Variants in IGF1R observed in about 807,000 individuals in gnomAD.
IGF1R encodes insulin-like growth factor 1 receptor.
In IGF1R, 44 loss-of-function variants were observed where a neutral mutation model predicts 144.6. That is an observed-to-expected ratio of 0.30 (90% CI 0.24 to 0.39). The LOEUF (loss-of-function observed/expected upper bound fraction) is 0.39. IGF1R is among the 10% of genes least tolerant of loss of function. The pLI is 1.00. For missense variants in IGF1R, 1,355 were observed against 1,833.7 expected, an observed-to-expected ratio of 0.74 and a Z score of 4.77; for synonymous variants, 795 against 722.8, an observed-to-expected ratio of 1.10 and a Z score of -1.60.
At chr15:98,889,470 G>A (rs183036461) in intron 2 of IGF1R, among the ~76,000 whole-genome samples, 1 of 152,202 alleles carries the variant, frequency 6.6e-6, no homozygotes, top group African/African-American at 2.4e-5. Context: ...CATGAAGATT[G>A]CTTTGCCGAT....
At chr15:98,660,028 T>G (rs1017745930) in intron 1 of IGF1R, among the ~76,000 whole-genome samples, 7 of 152,366 alleles carry the variant, frequency 4.6e-5, no homozygotes, top group Non-Finnish European at 8.8e-5. Flanking sequence ...GAATCTTTCT[T>G]GCTGAGATTA....
chr15:98,923,205 C>G (rs1233505827), intron 11 of IGF1R, among the ~76,000 whole-genome samples: 1 of 152,254 alleles, frequency 6.6e-6, no homozygotes, highest in East Asian at 1.9e-4. Context: ...CTTATCACAA[C>G]TTTGTTTACT....
chr15:98,743,454 G>A (rs766569298), intron 2 of IGF1R, among the ~76,000 whole-genome samples: 3 of 152,034 alleles, frequency 2.0e-5, no homozygotes, highest in Non-Finnish European at 4.4e-5. Flanking sequence ...ACAACTGTTC[G>A]ACTAACTGTC....
chr15:98,724,626 G>A (rs540792440), intron 2 of IGF1R, among the ~76,000 whole-genome samples: 7 of 152,330 alleles, frequency 4.6e-5, no homozygotes, highest in Non-Finnish European at 1.0e-4. Context: ...TGGGTCTCCA[G>A]CTCAGAGCAG....
Position 98,935,402 on chromosome 15 carries a change from C to A in IGF1R, c.3273C>A (p.Leu1091=), listed in dbSNP as rs1384534796. Residue 1091 remains leucine, a synonymous_variant, in exon 17 of 21, where the codon CTC becomes CTA. Transcript: ENST00000650285. The surrounding 1 kb of genome is among the most constrained non-coding windows in gnomAD (Gnocchi z 4.2). ...CACGGGGCGATCTCAAAAGTTATCTCCGGTCTCTGAGGCCAGAAATGGAGG... is the reference window on the plus strand; with the variant it reads ...CACGGGGCGATCTCAAAAGTTATCTACGGTCTCTGAGGCCAGAAATGGAGG... ...LMTRGDLKSY[L]RSLRPEMENN... 1.3e-6 allele frequency: 2 copies of A among 1,550,734 alleles called. No individual in the cohort carries two copies. Among genetic ancestry groups the A allele is most frequent in the Non-Finnish European group, 1.7e-6 (2 of 1,146,062 alleles).
At chr15:98,690,128 G>C (rs553426251) in intron 1 of IGF1R, among the ~76,000 whole-genome samples, 97 of 152,262 alleles carry the variant, frequency 6.4e-4, no homozygotes, top group African/African-American at 2.3e-3. Context: ...GATTTCTTGA[G>C]TCCAGGAGTT....
chr15:98,894,907 G>T (rs1292871636), intron 3 of IGF1R, among the ~76,000 whole-genome samples: 1 of 151,970 alleles, frequency 6.6e-6, no homozygotes, highest in African/African-American at 2.4e-5. Context: ...TGTATTTCCA[G>T]CTACTCAGGA....
chr15:98,796,746 C>G (rs2056251758), intron 2 of IGF1R, among the ~76,000 whole-genome samples: 2 of 152,206 alleles, frequency 1.3e-5, no homozygotes, highest in Non-Finnish European at 2.9e-5. Flanking sequence ...CAGGCATGCA[C>G]ACACGGACAC....
intron 2 of IGF1R, among the ~76,000 whole-genome samples, chr15:98,717,252 AGACAGGAATAG>A (rs2054139774): frequency 6.6e-6 from 1 of 152,144 alleles, no homozygotes. Context: ...TCCTTCAGTG[AGACAGGAATAG>A]GACAGTATTT....
chr15:98,797,363 C>A (rs2056268488), intron 2 of IGF1R, among the ~76,000 whole-genome samples: 1 of 152,184 alleles, frequency 6.6e-6, no homozygotes, highest in African/African-American at 2.4e-5. Flanking sequence ...AACCTGATGC[C>A]CGGGTGTTTG....
chr15:98,897,740 TA>T (rs2014274480), intron 4 of IGF1R, among the ~76,000 whole-genome samples: 1 of 152,202 alleles, frequency 6.6e-6, no homozygotes, highest in Non-Finnish European at 1.5e-5. Context: ...CATGTCTGGA[TA>T]ATTTTAAAAA....
intron 2 of IGF1R, among the ~76,000 whole-genome samples, chr15:98,860,545 T>A (rs1025382050): frequency 4.6e-5 from 7 of 152,352 alleles, no homozygotes; most frequent in Middle Eastern, 6.8e-3. Context: ...ATTCTGTACT[T>A]CTTTGCTTCT....
At chr15:98,857,287 C>T (rs959357607) in intron 2 of IGF1R, among the ~76,000 whole-genome samples, 3 of 152,174 alleles carry the variant, frequency 2.0e-5, no homozygotes, top group Middle Eastern at 3.2e-3. Flanking sequence ...GGTGCGATCT[C>T]GGCTCATTGC....
At chr15:98,794,524 T>C (rs558491534) in intron 2 of IGF1R, among the ~76,000 whole-genome samples, 11 of 152,326 alleles carry the variant, frequency 7.2e-5, no homozygotes, top group Admixed American at 7.2e-4. Context: ...GCCCCATTTC[T>C]GTTTTTATTT....
intron 2 of IGF1R, among the ~76,000 whole-genome samples, chr15:98,760,826 T>A (rs2055277526): frequency 6.6e-6 from 1 of 152,236 alleles, no homozygotes; most frequent in Admixed American, 6.5e-5. Flanking sequence ...TGTTTTCTGA[T>A]TACCCATCCT....
At chr15:98,923,413 C>T (rs958982296) in intron 11 of IGF1R, among the ~76,000 whole-genome samples, 62 of 152,368 alleles carry the variant, frequency 4.1e-4, no homozygotes, top group African/African-American at 1.4e-3. Context: ...ACGGAGGGTC[C>T]CTGTCACAGC....
In IGF1R at chr15:98,817,523, AAGGTGGCATTT is replaced by A. The variant is rs558045683; in HGVS notation, c.641-73799_641-73789del. On this transcript the variant is annotated intron_variant, in intron 2 of 20. Transcript: ENST00000650285. ...GGGTAGTCATTGAGGCCTCTGTGAA[AAGGTGGCATTT>A]AGACTAAGGGAGATTGGAAGGTCCA... Among the ~76,000 whole-genome samples the A allele has an allele frequency of 3.4e-3, 512 of 152,100 alleles. 4 individuals are homozygous for A. The highest frequency in any genetic ancestry group is 0.011 in the African/African-American group (446 of 41,514).
chr15:98,659,173 T>C (rs889296243), intron 1 of IGF1R, among the ~76,000 whole-genome samples: 1 of 152,266 alleles, frequency 6.6e-6, no homozygotes, highest in Non-Finnish European at 1.5e-5. Context: ...AATAAATGTA[T>C]AATAAAACTT....
chr15:98,735,436 C>G (rs779783341), intron 2 of IGF1R, among the ~76,000 whole-genome samples: 1 of 152,240 alleles, frequency 6.6e-6, no homozygotes, highest in Non-Finnish European at 1.5e-5. Flanking sequence ...TCCCCACCTT[C>G]AGGTTCAGTA....
Sources: gnomAD v4.1 joint callset for allele counts (sites outside exome capture counted in the v4.1 genomes callset) on GRCh38, gnomAD v4.1.1 for gene constraint, Gnocchi (gnomAD v3.1) non-coding constraint, MANE v1.5 for transcripts, NCBI Gene and HGNC (gene_info 2026-07-23, HGNC 2026-07-21) for gene names.